Variants in TULP4 observed in about 807,000 individuals in gnomAD.
The protein encoded by TULP4 is tubby-related protein 4.
A neutral mutation model predicts 129.0 loss-of-function variants in TULP4; 16 were observed. The ratio of observed to expected loss-of-function variants is 0.12; its 90% CI spans 0.08 to 0.19. The LOEUF (loss-of-function observed/expected upper bound fraction) is 0.19, where lower values mean the gene tolerates loss of function less well. Among genes scored for constraint, TULP4 ranks in the 10% least tolerant of loss-of-function variants. The pLI is 1.00. For synonymous variants in TULP4, 998 were observed against 854.0 expected (o/e 1.17, Z -2.94); for missense variants, 1,842 against 2,059.1 (o/e 0.89, Z 2.04).
In TULP4 at chr6:158,233,477, C is replaced by G. The variant is rs1179103587; in HGVS notation, n.68+1174C>G. ...GTGCCTCTTCCTCCGTGTCTGGGTT[C>G]TCCATTTCTTAGTTGAAGTTCTTGC... On this transcript the variant is annotated intron_variant and non_coding_transcript_variant, in intron 1 of 1. Coordinates refer to the TULP4 transcript ENST00000620026. Among the ~76,000 whole-genome samples, 3 of 152,212 alleles carry G rather than the reference C, an allele frequency of 2.0e-5. No homozygotes were observed. The South Asian group carries it at 6.2e-4, about 32-fold the overall frequency.
chr6:158,386,452 T>C (rs942691123), intron 1 of TULP4, among the ~76,000 whole-genome samples: 1 of 152,214 alleles, frequency 6.6e-6, no homozygotes, highest in Non-Finnish European at 1.5e-5. Flanking sequence ...CTAATAGATA[T>C]ATACTGTAGC....
chr6:158,373,574 G>A (rs138763425), intron 1 of TULP4, among the ~76,000 whole-genome samples: 1 of 152,126 alleles, frequency 6.6e-6, no homozygotes, highest in Non-Finnish European at 1.5e-5. Context: ...TCTCCACGTG[G>A]TAATACTGTC....
upstream of TULP4, among the ~76,000 whole-genome samples, chr6:158,309,618 C>A (rs1779300292): frequency 6.6e-6 from 1 of 152,158 alleles, no homozygotes; most frequent in Non-Finnish European, 1.5e-5. Flanking sequence ...ACCGAGTGAA[C>A]CAGACTCCGT....
chr6:158,251,682 T>C (rs1414162749), intron 1 of TULP4, among the ~76,000 whole-genome samples: 1 of 152,214 alleles, frequency 6.6e-6, no homozygotes, highest in Non-Finnish European at 1.5e-5. Flanking sequence ...TAAATGGGGC[T>C]TCAGGTGGAA....
intron 11 of TULP4, among the ~76,000 whole-genome samples, chr6:158,495,634 G>GGAGTTTGA: frequency 6.6e-6 from 1 of 152,212 alleles, no homozygotes; most frequent in African/African-American, 2.4e-5. Context: ...CCTGAGTTTG[G>GGAGTTTGA]GAGTTTGAGA....
chr6:158,422,128 A>G (rs1778358474), intron 2 of TULP4, among the ~76,000 whole-genome samples: 1 of 152,240 alleles, frequency 6.6e-6, no homozygotes, highest in Admixed American at 6.5e-5. Context: ...AATAAAAATG[A>G]AAGTGAAAAT....
chr6:158,425,527 AAAAAAAAAAT>A (rs1778464743), intron 2 of TULP4, among the ~76,000 whole-genome samples: 1 of 149,260 alleles, frequency 6.7e-6, no homozygotes, highest in Non-Finnish European at 1.5e-5. Flanking sequence ...AAAAAAAAAA[AAAAAAAAAAT>A]GGCAGCCGAC....
chr6:158,401,602 G>A (rs894877443), intron 1 of TULP4, among the ~76,000 whole-genome samples: 29 of 136,948 alleles, frequency 2.1e-4, no homozygotes, highest in Non-Finnish European at 4.5e-4. Flanking sequence ...GAAAACCCGT[G>A]CAGAGTCAAG....
chr6:158,449,960 C>G (rs1158060129), intron 4 of TULP4, among the ~76,000 whole-genome samples: 1 of 152,116 alleles, frequency 6.6e-6, no homozygotes, highest in South Asian at 2.1e-4. Flanking sequence ...GTATAGTGAT[C>G]AGATCATTTT....
intron 1 of TULP4, among the ~76,000 whole-genome samples, chr6:158,344,100 A>G (rs1053512110): frequency 1.3e-5 from 2 of 151,938 alleles, no homozygotes; most frequent in East Asian, 3.8e-4. Flanking sequence ...AATCTCCTCC[A>G]CCCTTAAGAA....
chr6:158,422,009 A>C (rs572486713), intron 2 of TULP4, among the ~76,000 whole-genome samples: 1 of 151,442 alleles, frequency 6.6e-6, no homozygotes, highest in South Asian at 2.1e-4. Context: ...TATATCCTTA[A>C]TTACTTATAT....
chr6:158,493,828 C>T lies in TULP4; in HGVS notation c.1776+111C>T. The stretch of plus-strand genomic sequence containing the variant: ...CTCACTGCCACCATGGGTCCCTGAG[C>T]TCTGCTCCACATCCTGCACACCACC... On this transcript the variant is annotated intron_variant, in intron 10 of 13. Coordinates refer to ENST00000367097, the MANE Select transcript of TULP4 (RefSeq NM_020245.5). The surrounding 1 kb of genome is among the most constrained non-coding windows in gnomAD (Gnocchi z 4.4). 1 of 1,241,138 alleles carries T rather than the reference C, an allele frequency of 8.1e-7. No homozygotes were observed. The highest frequency in any genetic ancestry group is 1.1e-6 in the Non-Finnish European group (1 of 927,432). 76.9% of individuals were successfully genotyped at this position (1,241,138 alleles called of 1,614,324 possible). A position where few individuals can be genotyped will look rare whatever the true frequency, so the allele number is the denominator to read the frequency against.
intron 11 of TULP4, among the ~76,000 whole-genome samples, chr6:158,497,630 C>T (rs1780361368): frequency 6.6e-6 from 1 of 152,162 alleles, no homozygotes; most frequent in Admixed American, 6.5e-5. Flanking sequence ...TACATTCATT[C>T]TTAAGTCATA....
At chr6:158,395,815 ATT>A (rs5881261) in intron 1 of TULP4, among the ~76,000 whole-genome samples, 2 of 147,702 alleles carry the variant, frequency 1.4e-5, no homozygotes, top group South Asian at 2.2e-4. Context: ...TTTTTCTTTG[ATT>A]TTTTTTTTTC....
chr6:158,467,540 C>CA (rs747322959), intron 6 of TULP4, among the ~76,000 whole-genome samples: 171 of 152,306 alleles, frequency 1.1e-3, no homozygotes, highest in African/African-American at 3.5e-3. Context: ...CTCAGCCTCC[C>CA]AAAGTGCTGG....
chr6:158,461,840 G>T, intron 6 of TULP4, 111 bp downstream of exon 6: 1 of 1,294,010 alleles, frequency 7.7e-7, no homozygotes, highest in Non-Finnish European at 1.0e-6. Flanking sequence ...TTAGGTTGTG[G>T]TGGGTAAACC....
At chr6:158,438,924 C>T (rs910061211) in intron 3 of TULP4, among the ~76,000 whole-genome samples, 1 of 152,126 alleles carries the variant, frequency 6.6e-6, no homozygotes, top group African/African-American at 2.4e-5. Flanking sequence ...GTAATCCCAG[C>T]ACTTTGGGAG....
intron 1 of TULP4, among the ~76,000 whole-genome samples, chr6:158,325,647 A>C (rs1779730276): frequency 6.6e-6 from 1 of 152,172 alleles, no homozygotes; most frequent in South Asian, 2.1e-4. Flanking sequence ...CACCGCGCCC[A>C]GCCGAGGAAC....
chr6:158,422,959 T>C (rs971789094), intron 2 of TULP4, among the ~76,000 whole-genome samples: 6 of 152,242 alleles, frequency 3.9e-5, no homozygotes, highest in Admixed American at 1.3e-4. Context: ...TTTCTAATGG[T>C]CTGCATTTGC....
Sources: allele counts gnomAD v4.1 joint callset (sites outside exome capture counted in the v4.1 genomes callset), GRCh38; gene constraint gnomAD v4.1.1; non-coding constraint Gnocchi (gnomAD v3.1); transcripts MANE v1.5; gene names NCBI Gene and HGNC (gene_info 2026-07-23, HGNC 2026-07-21).